Variants in GRM8 observed in about 807,000 individuals in gnomAD.
GRM8 encodes glutamate metabotropic receptor 8, also known as metabotropic glutamate receptor 8.
GRM8 carries 47 observed loss-of-function variants against 87.2 expected under a neutral mutation model. The ratio of observed to expected loss-of-function variants is 0.54; its 90% CI spans 0.43 to 0.69. The LOEUF (loss-of-function observed/expected upper bound fraction) is 0.69, where lower values mean the gene tolerates loss of function less well. Ranked by LOEUF, GRM8 falls within the 30% of genes least tolerant of loss-of-function variation. The pLI, the probability that GRM8 is intolerant of heterozygous loss-of-function variation, is 0.00. For synonymous variants in GRM8, 396 were observed against 404.5 expected, an observed-to-expected ratio of 0.98 and a Z score of 0.25; for missense variants, 1,019 against 1,139.2, an observed-to-expected ratio of 0.89 and a Z score of 1.52.
At chr7:126,708,898 T>G (rs1810820916) in intron 7 of GRM8, among the ~76,000 whole-genome samples, 1 of 152,120 alleles carries the variant, frequency 6.6e-6, no homozygotes, top group African/African-American at 2.4e-5. Context: ...TTAAGATGTT[T>G]ATTGTAAAAC....
intron 7 of GRM8, among the ~76,000 whole-genome samples, chr7:126,672,464 A>G (rs930981272): frequency 6.6e-6 from 1 of 152,198 alleles, no homozygotes; most frequent in Non-Finnish European, 1.5e-5. Flanking sequence ...GAATCCTTTA[A>G]AAGGCACCTT....
rs375909613 is a variant in GRM8, at chr7:127,129,585, T to C, written c.511-22873A>G. ...CATGACACAGAACAGCTTGCCATGA[T>C]ACGCCCTTCTCAATAAGTGTAAATT... is the stretch of plus-strand genomic sequence containing the variant. On this transcript the variant is annotated intron_variant, in intron 2 of 10. Coordinates refer to ENST00000339582, the MANE Select transcript of GRM8 (RefSeq NM_000845.3). 4.6e-5 allele frequency among the ~76,000 whole-genome samples: 7 copies of C among 152,288 alleles called. No homozygotes were observed. In the South Asian group the frequency reaches 1.5e-3, roughly 32 times the overall value.
At chr7:126,658,004 A>T (rs1010186193) in intron 7 of GRM8, among the ~76,000 whole-genome samples, 6 of 152,272 alleles carry the variant, frequency 3.9e-5, no homozygotes, top group African/African-American at 7.2e-5. Flanking sequence ...AAGAAACAAC[A>T]GCCTGCAGCT....
At chr7:126,477,634 A>G (rs950154244) in intron 9 of GRM8, among the ~76,000 whole-genome samples, 3 of 149,578 alleles carry the variant, frequency 2.0e-5, no homozygotes, top group Admixed American at 1.3e-4. Context: ...AAAGAAAGAA[A>G]GAAAAAACGA....
intron 9 of GRM8, among the ~76,000 whole-genome samples, chr7:126,474,774 AT>A (rs1202923970): frequency 6.6e-6 from 1 of 152,164 alleles, no homozygotes; most frequent in Non-Finnish European, 1.5e-5. Context: ...GAAATGTATC[AT>A]TCATTCAGCA....
intron 3 of GRM8, among the ~76,000 whole-genome samples, chr7:127,092,434 G>A (rs1586978032): frequency 1.3e-5 from 2 of 152,292 alleles, no homozygotes; most frequent in Admixed American, 6.5e-5. Flanking sequence ...GGTGGCCCAC[G>A]CCTATAATCC....
chr7:127,078,215 GAAT>G (rs1822487474), intron 3 of GRM8, among the ~76,000 whole-genome samples: 1 of 152,152 alleles, frequency 6.6e-6, no homozygotes, highest in Non-Finnish European at 1.5e-5. Flanking sequence ...GATCCAGATG[GAAT>G]GTCACCTCCC....
chr7:127,020,392 T>C (rs1018412858), intron 3 of GRM8, among the ~76,000 whole-genome samples: 15 of 151,918 alleles, frequency 9.9e-5, no homozygotes, highest in African/African-American at 3.6e-4. Flanking sequence ...CAGCTGTCCA[T>C]CTCCCTCACC....
chr7:126,444,982 C>T (rs1013660904), intron 10 of GRM8, among the ~76,000 whole-genome samples: 8 of 146,046 alleles, frequency 5.5e-5, no homozygotes, highest in Admixed American at 3.5e-4. Flanking sequence ...CCTGTCTCTA[C>T]AAAACAAACA....
At chr7:126,563,142 T>G (rs1391149633) in intron 8 of GRM8, among the ~76,000 whole-genome samples, 1 of 152,174 alleles carries the variant, frequency 6.6e-6, no homozygotes, top group Non-Finnish European at 1.5e-5. Flanking sequence ...ACACTGCACT[T>G]AGGCATCTGG....
chr7:126,701,752 C>T (rs1008030720), intron 7 of GRM8: 6 of 1,213,634 alleles, frequency 4.9e-6, no homozygotes, highest in Non-Finnish European at 4.4e-6. Flanking sequence ...AACCAAAATT[C>T]TTACCCAACT....
chr7:126,675,948 C>G (rs143848043), intron 7 of GRM8, among the ~76,000 whole-genome samples: 47 of 152,276 alleles, frequency 3.1e-4, no homozygotes, highest in African/African-American at 1.1e-3. Flanking sequence ...GGAACTCAAA[C>G]TATTTCTGTT....
intron 2 of GRM8, among the ~76,000 whole-genome samples, chr7:127,212,959 G>C (rs534973208): frequency 1.3e-5 from 2 of 152,186 alleles, no homozygotes; most frequent in African/African-American, 4.8e-5. Context: ...AAATTCAACA[G>C]ATAGATTTCT....
At chr7:127,227,749 C>T (rs1797428464) in intron 2 of GRM8, among the ~76,000 whole-genome samples, 1 of 152,170 alleles carries the variant, frequency 6.6e-6, no homozygotes, top group Admixed American at 6.5e-5. Flanking sequence ...CCTCAGAAAA[C>T]ATCTGGAACA....
chr7:126,589,232 T>A (rs1012512051), intron 8 of GRM8, among the ~76,000 whole-genome samples: 1 of 152,070 alleles, frequency 6.6e-6, no homozygotes, highest in Non-Finnish European at 1.5e-5. Context: ...CTGGGGCAAG[T>A]TCTTAGCCCT....
intron 3 of GRM8, among the ~76,000 whole-genome samples, chr7:127,049,656 T>C (rs747950608): frequency 6.6e-6 from 1 of 152,008 alleles, no homozygotes; most frequent in African/African-American, 2.4e-5. Flanking sequence ...AATAAATACT[T>C]AGAAGTATTA....
chr7:126,643,565 A>C (rs1802714645), intron 7 of GRM8, among the ~76,000 whole-genome samples: 1 of 151,970 alleles, frequency 6.6e-6, no homozygotes, highest in African/African-American at 2.4e-5. Flanking sequence ...AGGATAATTA[A>C]AAGCAACAGA....
rs13247161 is a variant in GRM8 at position 126,900,836 on chromosome 7, T to C, written c.1156+1706A>G. Among the ~76,000 whole-genome samples the C allele has an allele frequency of 8.5e-5, 13 of 152,224 alleles. No individual in the cohort carries two copies. In the South Asian group the frequency reaches 2.7e-3, roughly 32 times the overall value. On this transcript the variant is annotated intron_variant, in intron 6 of 10. Transcript: ENST00000339582. ...CTAGTTAGCTCTTCTTAGACCATGA[T>C]GGCCTGTCCCCAGGATACTGGATGA...
At chr7:126,794,128 G>C (rs1013583437) in intron 6 of GRM8, among the ~76,000 whole-genome samples, 17 of 151,724 alleles carry the variant, frequency 1.1e-4, no homozygotes, top group African/African-American at 3.9e-4. Flanking sequence ...AAATCAGACA[G>C]AATGTCTTTG....
Sources: allele counts gnomAD v4.1 joint callset (sites outside exome capture counted in the v4.1 genomes callset), GRCh38; gene constraint gnomAD v4.1.1; transcripts MANE v1.5; gene names NCBI Gene and HGNC (gene_info 2026-07-23, HGNC 2026-07-21).